SPAG17: variants seen among roughly 807,000 people sequenced by gnomAD.
SPAG17 encodes the protein sperm-associated antigen 17.
In SPAG17, 169 loss-of-function variants were observed where a neutral mutation model predicts 273.6. The ratio of observed to expected loss-of-function variants is 0.62; its 90% CI spans 0.55 to 0.70. The LOEUF is 0.70. Ranked by LOEUF, SPAG17 falls within the 30% of genes least tolerant of loss-of-function variation. The pLI is 0.00. For synonymous variants in SPAG17, 825 were observed against 873.2 expected (o/e 0.94, Z 0.97); for missense variants, 2,557 against 2,627.8 (o/e 0.97, Z 0.59).
intron 32 of SPAG17, among the ~76,000 whole-genome samples, chr1:117,999,277 C>T (rs7414516): frequency 0.053 from 8,105 of 152,124 alleles, 449 homozygotes; most frequent in East Asian, 0.3. Flanking sequence ...GTTAATAGTG[C>T]GGCAGTAAAC....
chr1:118,106,511 C>G (rs1656407648), intron 4 of SPAG17, among the ~76,000 whole-genome samples: 2 of 152,106 alleles, frequency 1.3e-5, no homozygotes, highest in South Asian at 4.1e-4. Context: ...ATGCAGGGCT[C>G]TCTAACAGCC....
At chr1:118,023,539 A>G in intron 27 of SPAG17, 76 bp from the exon 28 acceptor site, 1 of 1,397,532 alleles carries the variant, frequency 7.2e-7, no homozygotes, top group Admixed American at 2.2e-5. Context: ...CTGTGTGTCA[A>G]ATGGAAATAG....
At position 118,185,147 on chromosome 1, in the gene SPAG17, T is replaced by C; in HGVS notation, c.11A>G (p.Lys4Arg). Residue 4 changes from lysine (K) to arginine (R), a missense_variant, in exon 1 of 49, where the codon AAG becomes AGG. Physicochemically the swap from Lys to Arg is conservative, Grantham distance 26 (BLOSUM62 2). Transcript: ENST00000336338. ...GTTCACAGTTCCTCCTTTCTCCTTC[T>C]TGGGTGCCATGCAAAGGACGGGAGA... The part of the protein sequence containing the change: MAP[K>R]KEKGGTVNTS... 6.2e-7 allele frequency: 1 copy of C among 1,613,936 alleles called. No individual in the cohort carries two copies. Among genetic ancestry groups the C allele is most frequent in the Non-Finnish European group, 8.5e-7 (1 of 1,179,814 alleles).
At chr1:118,038,188 A>G (rs1649311801) in intron 23 of SPAG17, among the ~76,000 whole-genome samples, 1 of 152,228 alleles carries the variant, frequency 6.6e-6, no homozygotes, top group Non-Finnish European at 1.5e-5. Flanking sequence ...AAAGATGTTC[A>G]ATATTATTTG....
intron 1 of SPAG17, among the ~76,000 whole-genome samples, chr1:118,184,447 G>C (rs532276544): frequency 2.0e-5 from 3 of 152,268 alleles, no homozygotes; most frequent in African/African-American, 7.2e-5. Flanking sequence ...GTGGTTTGTA[G>C]ATTGCCTGGT....
intron 31 of SPAG17, among the ~76,000 whole-genome samples, chr1:118,007,131 G>C (rs1418649864): frequency 1.3e-5 from 2 of 151,764 alleles, no homozygotes; most frequent in Non-Finnish European, 2.9e-5. Flanking sequence ...TGTATGTTTG[G>C]CATCATATCT....
At chr1:118,038,744 G>C (rs962184563) in intron 23 of SPAG17, among the ~76,000 whole-genome samples, 7 of 152,084 alleles carry the variant, frequency 4.6e-5, no homozygotes, top group Admixed American at 2.0e-4. Context: ...ACAGTAAAAA[G>C]ATCAGTGATT....
At chr1:118,028,496 T>C (rs1648046694) in intron 25 of SPAG17, 102 bp from the exon 26 acceptor site, 1 of 1,460,144 alleles carries the variant, frequency 6.8e-7, no homozygotes, top group Admixed American at 2.0e-5. Context: ...GGACATGACT[T>C]GCACAGAGCT....
At chr1:117,964,830 C>T (rs1653609210) in intron 47 of SPAG17, 1 of 152,230 alleles carries the variant, frequency 6.6e-6, no homozygotes, top group African/African-American at 2.4e-5. Flanking sequence ...TTCTCCTTCA[C>T]CTCGGAATAT....
intron 1 of SPAG17, among the ~76,000 whole-genome samples, chr1:118,178,193 C>A (rs1351817756): frequency 6.6e-6 from 1 of 151,964 alleles, no homozygotes; most frequent in Non-Finnish European, 1.5e-5. Flanking sequence ...ACTTTTGCAC[C>A]AACCTAATAC....
intron 17 of SPAG17, among the ~76,000 whole-genome samples, chr1:118,072,722 T>C (rs1653723175): frequency 1.3e-5 from 2 of 152,120 alleles, no homozygotes; most frequent in South Asian, 4.2e-4. Context: ...ATAAAGTGAG[T>C]TCTGAATACT....
intron 31 of SPAG17, among the ~76,000 whole-genome samples, chr1:118,005,859 T>C (rs1658825107): frequency 6.6e-6 from 1 of 152,180 alleles, no homozygotes; most frequent in African/African-American, 2.4e-5. Context: ...TCTAACTAAT[T>C]GTCTTATGCC....
rs752984592 is a variant in SPAG17, at chr1:118,036,805, G to A, written c.3398C>T (p.Ser1133Leu). 5.8e-6 allele frequency: 9 copies of A among 1,558,508 alleles called. No individual in the cohort carries two copies. The highest frequency in any genetic ancestry group is 3.8e-5 in the Admixed American group (2 of 52,226). ...TCCATTTGATCCATAGTAACTTATC[G>A]AGAGGCAGATTCCATTTTCTAAGGT... ...SATLENGICLSISYYGSNGMA... is the reference protein window; with the variant it reads ...SATLENGICLLISYYGSNGMA... The change falls in exon 24 of 49, where the codon TCG becomes TTG. Residue 1133 changes from serine (S) to leucine (L), a missense_variant. Physicochemically the swap from Ser to Leu is moderately radical, Grantham distance 145. Coordinates refer to ENST00000336338, the MANE Select transcript of SPAG17 (RefSeq NM_206996.4).
At chr1:118,076,957 C>A (rs1286736803) in intron 15 of SPAG17, among the ~76,000 whole-genome samples, 4 of 152,036 alleles carry the variant, frequency 2.6e-5, no homozygotes, top group Non-Finnish European at 5.9e-5. Flanking sequence ...TCGCGGTTAT[C>A]AACTCTCAGG....
At chr1:118,166,919 C>T (rs1240721934) in intron 1 of SPAG17, among the ~76,000 whole-genome samples, 1 of 152,126 alleles carries the variant, frequency 6.6e-6, no homozygotes, top group East Asian at 1.9e-4. Context: ...AAAGTCAGGA[C>T]CATAAATCTA....
chr1:118,126,203 C>CTTTCT (rs1657718919), intron 3 of SPAG17, among the ~76,000 whole-genome samples: 1 of 110,580 alleles, frequency 9.0e-6, no homozygotes, highest in Non-Finnish European at 1.8e-5. Flanking sequence ...ATCCTTTATC[C>CTTTCT]TTTTTTTTTT....
chr1:118,134,524 A>G (rs568994446), intron 3 of SPAG17, among the ~76,000 whole-genome samples: 21 of 152,230 alleles, frequency 1.4e-4, no homozygotes, highest in Non-Finnish European at 2.6e-4. Flanking sequence ...AAATGCATCC[A>G]GCAATGAACT....
intron 3 of SPAG17, among the ~76,000 whole-genome samples, chr1:118,146,489 C>G (rs1436666501): frequency 6.6e-6 from 1 of 152,162 alleles, no homozygotes; most frequent in Admixed American, 6.5e-5. Flanking sequence ...AGATTTCCAT[C>G]TTTAGGATTT....
At position 118,099,696 on chromosome 1, in the gene SPAG17, C is replaced by A; in HGVS notation, c.739G>T (p.Val247Leu). 1 of 1,613,958 alleles carries A rather than the reference C, an allele frequency of 6.2e-7. No individual in the cohort carries two copies. Among genetic ancestry groups the A allele is most frequent in the East Asian group, 2.2e-5 (1 of 44,874 alleles). The stretch of plus-strand genomic sequence containing the variant: ...TAATTCTCTGAAGATATTTTAATCA[C>A]GCTGGTTATAGGAATGCCAAGCTCA... ...MAELGIPITS[V>L]IKISSENYEP... is the part of the protein sequence containing the mutation. Residue 247 changes from valine (V) to leucine (L), a missense_variant, in exon 6 of 49, where the codon GTG (valine) becomes TTG (leucine). By Grantham distance (32) the Val-to-Leu change is conservative. Coordinates refer to ENST00000336338, the MANE Select transcript of SPAG17 (RefSeq NM_206996.4).
Sources: gnomAD v4.1 joint callset for allele counts (sites outside exome capture counted in the v4.1 genomes callset) on GRCh38, gnomAD v4.1.1 for gene constraint, MANE v1.5 for transcripts, NCBI Gene and HGNC (gene_info 2026-07-23, HGNC 2026-07-21) for gene names.